FSD1L: variants seen among roughly 807,000 people sequenced by gnomAD.
The protein encoded by FSD1L is FSD1-like protein.
In FSD1L, 45 loss-of-function variants were observed where a neutral mutation model predicts 71.6. That is an observed-to-expected ratio of 0.63 (90% CI 0.49 to 0.81). The LOEUF is 0.81. Among genes scored for constraint, FSD1L ranks in the 30% least tolerant of loss-of-function variants. FSD1L has a pLI of 0.00. For synonymous variants in FSD1L, 197 were observed against 207.2 expected (o/e 0.95, Z 0.42); for missense variants, 561 against 618.1 (o/e 0.91, Z 0.98).
At chr9:105,521,729 T>A (rs1835172384) in intron 10 of FSD1L, 20 of 1,613,360 alleles carry the variant, frequency 1.2e-5, no homozygotes, top group Non-Finnish European at 1.5e-5. Flanking sequence ...CTGCTGATCA[T>A]GTTCGAAATT....
intron 1 of FSD1L, 137 bp downstream of exon 1, chr9:105,448,372 G>A (rs1306451192): frequency 4.0e-6 from 3 of 748,920 alleles, no homozygotes; most frequent in Non-Finnish European, 5.8e-6. Flanking sequence ...CGGAGGGCAA[G>A]GCCGCCCGGC....
chr9:105,523,231 A>G, intron 10 of FSD1L: 2 of 1,611,006 alleles, frequency 1.2e-6, no homozygotes, highest in Non-Finnish European at 1.7e-6. Flanking sequence ...TCCCCAGTCC[A>G]CTCACCTCTG....
At chr9:105,488,137 G>A (rs1832676613) in intron 7 of FSD1L, among the ~76,000 whole-genome samples, 3 of 152,066 alleles carry the variant, frequency 2.0e-5, no homozygotes, top group African/African-American at 2.4e-5. Context: ...ATTACCATAC[G>A]GAGTATTTTC....
chr9:105,453,493 T>G (rs1007619638), intron 1 of FSD1L, among the ~76,000 whole-genome samples: 1 of 150,456 alleles, frequency 6.6e-6, no homozygotes, highest in Admixed American at 6.6e-5. Flanking sequence ...TATTTTTATT[T>G]TGTGTGTGTG....
At chr9:105,529,540 C>T (rs982960185) in intron 10 of FSD1L, among the ~76,000 whole-genome samples, 3 of 152,086 alleles carry the variant, frequency 2.0e-5, no homozygotes, top group African/African-American at 4.8e-5. Context: ...CCAAACGCCA[C>T]GTGTTCTCAC....
intron 6 of FSD1L, among the ~76,000 whole-genome samples, chr9:105,479,829 T>C (rs1832054413): frequency 6.6e-6 from 1 of 152,242 alleles, no homozygotes; most frequent in Non-Finnish European, 1.5e-5. Flanking sequence ...ACACCTTGTA[T>C]TCTCATTCCA....
Position 105,468,224 on chromosome 9 carries a change from A to G in FSD1L, c.239A>G (p.Asp80Gly). The part of the protein sequence containing the change: ...ENSSNILSEL[D>G]EEFDSLYSIL... Reference sequence around the variant, plus strand: ...TCGTCCAACATACTCTCAGAGTTAGATGAAGAATTTGATAGTTTATACTCT... The same window carrying G: ...TCGTCCAACATACTCTCAGAGTTAGGTGAAGAATTTGATAGTTTATACTCT... The change falls in exon 4 of 14, where the codon GAT becomes GGT. Residue 80 changes from aspartate to glycine, a missense_variant. Coordinates refer to ENST00000481272, the MANE Select transcript of FSD1L (RefSeq NM_001145313.3). 1 of 1,437,914 alleles carries G rather than the reference A, an allele frequency of 7.0e-7. No individual in the cohort carries two copies. The highest frequency in any genetic ancestry group is 9.1e-7 in the Non-Finnish European group (1 of 1,099,586). The allele number at this position is 1,437,914 out of a possible 1,614,324, so 89.1% of individuals were successfully genotyped here. A position where few individuals can be genotyped will look rare whatever the true frequency, so the allele number is the denominator to read the frequency against.
At chr9:105,452,669 G>GCCTTCCTTCCTTCCTTCCTTCCTT (rs1166449916) in intron 1 of FSD1L, among the ~76,000 whole-genome samples, 39 of 96,236 alleles carry the variant, frequency 4.1e-4, no homozygotes, top group African/African-American at 8.5e-4. Context: ...CTGCCTGCCT[G>GCCTTCCTTCCTTCCTTCCTTCCTT]CCTTCCTTCC....
rs1328497922 is a variant in FSD1L, at chr9:105,505,376, T to C, written c.587-1023T>C. 3.3e-5 allele frequency among the ~76,000 whole-genome samples: 5 copies of C among 152,212 alleles called. No homozygotes were observed. The East Asian group carries it at 7.7e-4, about 23-fold the overall frequency. On this transcript the variant is annotated intron_variant, in intron 7 of 13. Transcript: ENST00000481272. ...CCTGGGTTCAAGCAATTCTTCTGCCTCAGCCTCATGAGTAGCTGGGATTAC... is the reference window on the plus strand; with the variant it reads ...CCTGGGTTCAAGCAATTCTTCTGCCCCAGCCTCATGAGTAGCTGGGATTAC...
intron 10 of FSD1L, chr9:105,522,329 A>G: frequency 6.2e-7 from 1 of 1,614,006 alleles, no homozygotes; most frequent in Non-Finnish European, 8.5e-7. Context: ...AGCTGAGTGA[A>G]CAGAAACAAA....
At chr9:105,533,549 A>T (rs1281041360) in intron 10 of FSD1L, among the ~76,000 whole-genome samples, 2 of 147,868 alleles carry the variant, frequency 1.4e-5, no homozygotes, top group African/African-American at 5.0e-5. Flanking sequence ...CAGCCTCCCG[A>T]GTAGCTGGGA....
chr9:105,532,595 C>T lies in FSD1L; in HGVS notation c.1026-1898C>T, dbSNP rs76295949. Among the ~76,000 whole-genome samples, 1,200 of 152,220 alleles carry T rather than the reference C, an allele frequency of 7.9e-3. 18 individuals are homozygous for T. Among genetic ancestry groups the T allele is most frequent in the African/African-American group, 0.027 (1,109 of 41,538 alleles). ...CCCTCACGTTCTGTTTTGCTGTCCC[C>T]GTACCCAATAGCAAGAAACTACTGC... is the stretch of plus-strand genomic sequence containing the variant. On this transcript the variant is annotated intron_variant, in intron 10 of 13. Coordinates refer to ENST00000481272, the MANE Select transcript of FSD1L (RefSeq NM_001145313.3).
At chr9:105,499,015 A>G (rs1337353278) in intron 7 of FSD1L, among the ~76,000 whole-genome samples, 1 of 152,176 alleles carries the variant, frequency 6.6e-6, no homozygotes, top group African/African-American at 2.4e-5. Flanking sequence ...CATGATTTCT[A>G]TGCTTTTGAA....
rs2131551756 is a variant in FSD1L, at chr9:105,548,188, T to A, written c.*1705T>A. The stretch of plus-strand genomic sequence containing the variant: ...GTAAACCAATAGATACTCTTTTGAT[T>A]CTCCAAAGAAATATAATTTTGGTTT... On this transcript the variant is annotated 3_prime_UTR_variant, in exon 14 of 14. Coordinates refer to ENST00000481272, the MANE Select transcript of FSD1L (RefSeq NM_001145313.3). The A allele has an allele frequency of 6.6e-6, 1 of 152,212 alleles. No individual in the cohort carries two copies. Among genetic ancestry groups the A allele is most frequent in the East Asian group, 1.9e-4 (1 of 5,186 alleles). 9.4% of individuals were successfully genotyped at this position (152,212 alleles called of 1,614,324 possible).
rs920493182 is a variant in FSD1L at position 105,512,881 on chromosome 9, C to T, written c.970C>T (p.Pro324Ser). 6.1e-5 allele frequency: 94 copies of T among 1,541,990 alleles called. No individual in the cohort carries two copies. The highest frequency in any genetic ancestry group is 7.8e-5 in the Non-Finnish European group (89 of 1,142,284). ...KVEDTCVEWDPTGGKGQESKI... is the reference protein window; with the variant it reads ...KVEDTCVEWDSTGGKGQESKI... ...TGAAGATACATGTGTAGAGTGGGAT[C>T]CTACTGGAGGAAAAGGTCAAGAAAG... The change falls in exon 10 of 14, where the codon CCT becomes TCT. Residue 324 changes from proline (P) to serine (S), a missense_variant. Pro to Ser is a moderately conservative substitution (Grantham distance 74). Around this residue, in one of 3 missense-constraint regions of FSD1L, gnomAD observed 410 missense variants for 413.5 expected, o/e 0.99. Transcript: ENST00000481272.
chr9:105,446,831 A>G (rs183053925), upstream of FSD1L, among the ~76,000 whole-genome samples: 6 of 150,908 alleles, frequency 4.0e-5, no homozygotes, highest in East Asian at 1.2e-3. Context: ...CTCAATATGT[A>G]TTTCCCTTTT....
Position 105,506,685 on chromosome 9 carries a change from A to G in FSD1L, c.796+77A>G. On this transcript the variant is annotated intron_variant, in intron 8 of 13. Transcript: ENST00000481272. Reference sequence around the variant, plus strand: ...TGAAAAATATTTTGAGTTACTTTAAAGAATAAAGTTTTAAAGTTTCTTTAG... The same window carrying G: ...TGAAAAATATTTTGAGTTACTTTAAGGAATAAAGTTTTAAAGTTTCTTTAG... 3 of 1,108,152 alleles carry G rather than the reference A, an allele frequency of 2.7e-6. No homozygotes were observed. In the South Asian group the frequency reaches 4.3e-5, roughly 16 times the overall value. The allele number at this position is 1,108,152 out of a possible 1,614,324, so 68.6% of individuals were successfully genotyped here.
At chr9:105,509,357 T>A (rs1834265238) in intron 9 of FSD1L, among the ~76,000 whole-genome samples, 2 of 152,228 alleles carry the variant, frequency 1.3e-5, no homozygotes, top group East Asian at 1.9e-4. Flanking sequence ...GAACCTAGGT[T>A]CTTCTAGTCT....
At chr9:105,454,975 T>C (rs1316089857) in intron 1 of FSD1L, among the ~76,000 whole-genome samples, 1 of 152,222 alleles carries the variant, frequency 6.6e-6, no homozygotes, top group Non-Finnish European at 1.5e-5. Context: ...ATTCCTGAAT[T>C]TCCCAGTTCT....
Sources: allele counts gnomAD v4.1 joint callset (sites outside exome capture counted in the v4.1 genomes callset), GRCh38; gene constraint gnomAD v4.1.1; regional missense constraint gnomAD v4.1.1; transcripts MANE v1.5; gene names NCBI Gene and HGNC (gene_info 2026-07-23, HGNC 2026-07-21).